The following LRMDA variants were observed in gnomAD, a reference collection of about 807,000 sequenced individuals.
LRMDA encodes the protein leucine rich melanocyte differentiation associated.
A neutral mutation model predicts 29.8 loss-of-function variants in LRMDA; 18 were observed. The ratio of observed to expected loss-of-function variants is 0.60; its 90% confidence interval spans 0.42 to 0.90. The LOEUF is 0.90. LRMDA is among the 40% of genes least tolerant of loss of function. The pLI is 0.00. For synonymous variants in LRMDA, 125 were observed against 109.4 expected (o/e 1.14, Z -0.89); for missense variants, 273 against 273.9 (o/e 1.00, Z 0.02).
chr10:75,872,649 G>A lies in LRMDA; in HGVS notation c.132-163359G>A, dbSNP rs1269840823. On this transcript the variant is annotated intron_variant, in intron 2 of 6. Transcript: ENST00000611255. ...CTCCAAACATGTTACATGTTTTCTC[G>A]TTCCCATGAATTGAAGCTATTTATT... Among the ~76,000 whole-genome samples, 5 of 152,034 alleles carry A rather than the reference G, an allele frequency of 3.3e-5. No individual in the cohort carries two copies. In the South Asian group the frequency reaches 6.2e-4, roughly 19 times the overall value.
intron 6 of LRMDA, among the ~76,000 whole-genome samples, chr10:76,406,106 A>T (rs187389632): frequency 6.6e-6 from 1 of 152,198 alleles, no homozygotes; most frequent in East Asian, 1.9e-4. Flanking sequence ...TTACATCTGC[A>T]TATGTTCTTT....
chr10:76,302,537 G>A (rs1206249981), intron 5 of LRMDA, among the ~76,000 whole-genome samples: 2 of 152,040 alleles, frequency 1.3e-5, no homozygotes, highest in South Asian at 4.1e-4. Flanking sequence ...TTTTTGGGGG[G>A]TGGTGGTGGG....
intron 2 of LRMDA, among the ~76,000 whole-genome samples, chr10:75,802,993 C>A (rs1418633374): frequency 6.9e-6 from 1 of 145,326 alleles, no homozygotes. Context: ...TTTCTTAGCT[C>A]CCTTTACTTC....
At chr10:76,516,422 C>A (rs1843062018) in intron 6 of LRMDA, among the ~76,000 whole-genome samples, 1 of 151,970 alleles carries the variant, frequency 6.6e-6, no homozygotes, top group Non-Finnish European at 1.5e-5. Context: ...TATACATGTG[C>A]CATGTTGGTG....
At chr10:75,445,625 C>T (rs1844384109) in intron 2 of LRMDA, among the ~76,000 whole-genome samples, 1 of 152,166 alleles carries the variant, frequency 6.6e-6, no homozygotes, top group South Asian at 2.1e-4. Context: ...TGAACTGTTC[C>T]AGCTTTTTAG....
At chr10:75,491,773 C>T (rs1844990942) in intron 2 of LRMDA, among the ~76,000 whole-genome samples, 1 of 152,206 alleles carries the variant, frequency 6.6e-6, no homozygotes, top group Admixed American at 6.5e-5. Flanking sequence ...GTCTTCTCCT[C>T]TGTCTTCTCT....
intron 2 of LRMDA, among the ~76,000 whole-genome samples, chr10:75,463,656 TTTTG>T (rs774576274): frequency 7.2e-5 from 11 of 151,924 alleles, no homozygotes; most frequent in South Asian, 2.1e-4. Flanking sequence ...CCAGCTAATT[TTTTG>T]TTTGTTTGTT....
intron 5 of LRMDA, among the ~76,000 whole-genome samples, chr10:76,185,365 G>A (rs1851128575): frequency 6.6e-6 from 1 of 152,190 alleles, no homozygotes; most frequent in Admixed American, 6.5e-5. Flanking sequence ...GCATGTACCA[G>A]TTGAGAGAGA....
chr10:75,771,068 A>T (rs1843233716), intron 2 of LRMDA, among the ~76,000 whole-genome samples: 1 of 152,170 alleles, frequency 6.6e-6, no homozygotes, highest in African/African-American at 2.4e-5. Flanking sequence ...AAAATGGATG[A>T]TAGGGAACTG....
At chr10:75,979,637 T>G (rs138279780) in intron 2 of LRMDA, among the ~76,000 whole-genome samples, 4 of 152,332 alleles carry the variant, frequency 2.6e-5, no homozygotes, top group African/African-American at 9.6e-5. Flanking sequence ...TATGTCCTTT[T>G]TGGTGCCCTT....
intron 2 of LRMDA, among the ~76,000 whole-genome samples, chr10:75,659,713 A>G (rs1841725409): frequency 1.3e-5 from 2 of 152,244 alleles, no homozygotes; most frequent in East Asian, 1.9e-4. Flanking sequence ...CTGAGGATCT[A>G]ATATACAGCA....
intron 2 of LRMDA, among the ~76,000 whole-genome samples, chr10:75,616,937 T>C (rs1841110771): frequency 6.6e-6 from 1 of 152,144 alleles, no homozygotes; most frequent in African/African-American, 2.4e-5. Flanking sequence ...AAATAGAAAA[T>C]GTATTTACTA....
At chr10:76,124,342 AAC>A (rs2132128133) in intron 5 of LRMDA, among the ~76,000 whole-genome samples, 1 of 152,330 alleles carries the variant, frequency 6.6e-6, no homozygotes, top group East Asian at 1.9e-4. Flanking sequence ...GTGTTTTGAT[AAC>A]AGTCCTTGCC....
Position 76,391,786 on chromosome 10 carries a change from T to A in LRMDA, c.601+67301T>A, listed in dbSNP as rs576338432. On this transcript the variant is annotated intron_variant, in intron 6 of 6. Transcript: ENST00000611255. The stretch of plus-strand genomic sequence containing the variant: ...AGCTCTTGTCTTTCATGGAGCCTAA[T>A]CTTTTATGGTCATAAGAAGCTTTTT... Among the ~76,000 whole-genome samples the A allele has an allele frequency of 1.1e-3, 170 of 152,302 alleles. 1 individual carries two copies. Among genetic ancestry groups the A allele is most frequent in the African/African-American group, 4.0e-3 (166 of 41,588 alleles).
intron 2 of LRMDA, among the ~76,000 whole-genome samples, chr10:75,838,873 G>T (rs1353999559): frequency 6.6e-6 from 1 of 152,166 alleles, no homozygotes; most frequent in East Asian, 1.9e-4. Context: ...TCCAAGAGTG[G>T]TAGATGATCA....
intron 5 of LRMDA, among the ~76,000 whole-genome samples, chr10:76,190,550 A>T (rs1851226242): frequency 6.6e-6 from 1 of 152,192 alleles, no homozygotes; most frequent in African/African-American, 2.4e-5. Flanking sequence ...CAAGTTTATT[A>T]TCCAAGGAGG....
chr10:76,114,109 A>C (rs1194661710), intron 5 of LRMDA, among the ~76,000 whole-genome samples: 1 of 152,174 alleles, frequency 6.6e-6, no homozygotes, highest in Non-Finnish European at 1.5e-5. Context: ...AAAGATGATA[A>C]ATTCCTGCCT....
intron 2 of LRMDA, among the ~76,000 whole-genome samples, chr10:75,923,043 C>T (rs537063564): frequency 6.6e-6 from 1 of 152,292 alleles, no homozygotes; most frequent in African/African-American, 2.4e-5. Flanking sequence ...AAGTGACTTT[C>T]CTAAGGTCAC....
At position 75,903,923 on chromosome 10, in the gene LRMDA, A is replaced by G. The variant is rs371322316; in HGVS notation, c.132-132085A>G. On this transcript the variant is annotated intron_variant, in intron 2 of 6. Transcript: ENST00000611255. Reference sequence around the variant, plus strand: ...CAAACTTCAGCTTCTTCGCAAATGAAATGGGGATTATGACACTTGCTCTGC... The same window carrying G: ...CAAACTTCAGCTTCTTCGCAAATGAGATGGGGATTATGACACTTGCTCTGC... Among the ~76,000 whole-genome samples the G allele has an allele frequency of 8.2e-4, 125 of 152,308 alleles. 5 individuals carry two copies. The South Asian group carries it at 0.026, about 31-fold the overall frequency.
Sources: allele counts gnomAD v4.1 joint callset (sites outside exome capture counted in the v4.1 genomes callset), GRCh38; gene constraint gnomAD v4.1.1; transcripts MANE v1.5; gene names NCBI Gene and HGNC (gene_info 2026-07-23, HGNC 2026-07-21).